TSHZ2: variants seen among roughly 807,000 people sequenced by gnomAD.
TSHZ2 encodes teashirt homolog 2.
TSHZ2 carries 21 observed loss-of-function variants against 74.4 expected under a neutral mutation model. The ratio of observed to expected loss-of-function variants is 0.28; its 90% CI spans 0.20 to 0.41. TSHZ2 has a LOEUF of 0.41. Ranked by LOEUF, TSHZ2 falls within the 10% of genes least tolerant of loss-of-function variation. TSHZ2 has a pLI of 1.00. For synonymous variants in TSHZ2, 540 were observed against 515.3 expected, an observed-to-expected ratio of 1.05 and a Z score of -0.65; for missense variants, 1,244 against 1,293.5, an observed-to-expected ratio of 0.96 and a Z score of 0.59.
At chr20:53,106,232 C>T (rs73142246) in intron 1 of TSHZ2, among the ~76,000 whole-genome samples, 10,724 of 151,956 alleles carry the variant, frequency 0.071, 451 homozygotes, top group Non-Finnish European at 0.1. Context: ...CTGAGGTCTC[C>T]CTGATCCTCC....
At chr20:53,444,769 G>A (rs1984486904) in intron 2 of TSHZ2, among the ~76,000 whole-genome samples, 1 of 152,168 alleles carries the variant, frequency 6.6e-6, no homozygotes. Flanking sequence ...TGGTCTGCTT[G>A]GACAGCTAGG....
intron 2 of TSHZ2, among the ~76,000 whole-genome samples, chr20:53,450,472 G>T (rs1430492038): frequency 6.6e-6 from 1 of 152,168 alleles, no homozygotes; most frequent in South Asian, 2.1e-4. Flanking sequence ...TATTGTTTAT[G>T]ATTTCATAAG....
At chr20:53,181,087 G>C (rs1166952099) in intron 1 of TSHZ2, among the ~76,000 whole-genome samples, 2 of 152,096 alleles carry the variant, frequency 1.3e-5, no homozygotes, top group Non-Finnish European at 2.9e-5. Context: ...GCTCTTCGCT[G>C]TCTCAGTGTT....
At chr20:53,401,928 A>G (rs549912311) in intron 2 of TSHZ2, among the ~76,000 whole-genome samples, 3 of 151,710 alleles carry the variant, frequency 2.0e-5, no homozygotes, top group South Asian at 4.2e-4. Flanking sequence ...GACTACAGGC[A>G]CCCGCCACCA....
chr20:53,367,166 T>C (rs1600833022), intron 2 of TSHZ2, among the ~76,000 whole-genome samples: 1 of 151,684 alleles, frequency 6.6e-6, no homozygotes, highest in African/African-American at 2.4e-5. Flanking sequence ...GAGGCTGAGG[T>C]GAGCGGATCA....
At chr20:53,311,472 C>T (rs1978782699) in intron 2 of TSHZ2, among the ~76,000 whole-genome samples, 1 of 152,200 alleles carries the variant, frequency 6.6e-6, no homozygotes, top group Non-Finnish European at 1.5e-5. Context: ...AACCTTATAA[C>T]ATGCTAATAG....
intron 1 of TSHZ2, among the ~76,000 whole-genome samples, chr20:53,056,217 C>T (rs1346440592): frequency 1.3e-5 from 2 of 152,094 alleles, no homozygotes; most frequent in African/African-American, 2.4e-5. Context: ...CTCCTAAAGT[C>T]CTTCTGTGCA....
At chr20:53,239,233 C>T (rs1447360393) in intron 1 of TSHZ2, among the ~76,000 whole-genome samples, 1 of 152,144 alleles carries the variant, frequency 6.6e-6, no homozygotes, top group African/African-American at 2.4e-5. Context: ...AAAATCACCC[C>T]AGATGAGTCA....
intron 1 of TSHZ2, among the ~76,000 whole-genome samples, chr20:53,131,573 C>T (rs149795149): frequency 2.6e-4 from 40 of 152,344 alleles, no homozygotes; most frequent in African/African-American, 7.2e-4. Context: ...CCCCACTCCA[C>T]GCCTCCTGCG....
intron 1 of TSHZ2, among the ~76,000 whole-genome samples, chr20:53,233,456 TG>T (rs1225209263): frequency 6.6e-6 from 1 of 152,088 alleles, no homozygotes; most frequent in Non-Finnish European, 1.5e-5. Context: ...ACGCTAAAAC[TG>T]GGAAGTTGAG....
intron 1 of TSHZ2, among the ~76,000 whole-genome samples, chr20:53,095,232 C>G (rs1163495914): frequency 6.6e-6 from 1 of 152,220 alleles, no homozygotes; most frequent in Non-Finnish European, 1.5e-5. Context: ...GAGGCAGTCT[C>G]TCTCCTCGTG....
chr20:53,316,229 A>T lies in TSHZ2; in HGVS notation c.*8+59658A>T, dbSNP rs189740160. ...ACAAAGAGGCACAAACGGAAATCTC[A>T]CTCATCACTTGGTTCATTGTTGTTG... On this transcript the variant is annotated intron_variant, in intron 2 of 2. Transcript: ENST00000371497. 1.5e-3 allele frequency among the ~76,000 whole-genome samples: 228 copies of T among 152,130 alleles called. 3 individuals are homozygous for T. Among genetic ancestry groups the T allele is most frequent in the Non-Finnish European group, 1.3e-3 (87 of 68,000 alleles).
At chr20:53,373,107 A>G (rs1352408759) in intron 2 of TSHZ2, among the ~76,000 whole-genome samples, 1 of 152,226 alleles carries the variant, frequency 6.6e-6, no homozygotes, top group Non-Finnish European at 1.5e-5. Flanking sequence ...GGAAAAGTTC[A>G]CAAGGAAAGA....
intron 1 of TSHZ2, among the ~76,000 whole-genome samples, chr20:53,088,221 G>A (rs1456193697): frequency 6.6e-6 from 1 of 152,146 alleles, no homozygotes; most frequent in Non-Finnish European, 1.5e-5. Context: ...GTAAGTTTTT[G>A]TTGGGAACTT....
At chr20:53,374,717 G>A (rs1342717009) in intron 2 of TSHZ2, among the ~76,000 whole-genome samples, 1 of 152,000 alleles carries the variant, frequency 6.6e-6, no homozygotes, top group Non-Finnish European at 1.5e-5. Context: ...CTGATTTTGG[G>A]TTTGATTTGC....
Position 53,488,851 on chromosome 20 carries a change from C to T in TSHZ2, c.*1716C>T. The T allele has an allele frequency of 7.0e-6, 2 of 284,522 alleles. No homozygotes were observed. The highest frequency in any genetic ancestry group is 1.4e-5 in the Non-Finnish European group (2 of 141,738). The allele number at this position is 284,522 out of a possible 1,614,324, so 17.6% of individuals were successfully genotyped here. ...CATTGGGATTAAAAAAAAAAAAAAACTTCTTATTTACCTCCTAGGGAAAGT... is the reference window on the plus strand; with the variant it reads ...CATTGGGATTAAAAAAAAAAAAAAATTTCTTATTTACCTCCTAGGGAAAGT... On this transcript the variant is annotated 3_prime_UTR_variant, in exon 3 of 3. Transcript: ENST00000371497.
intron 1 of TSHZ2, among the ~76,000 whole-genome samples, chr20:53,042,158 T>G (rs942058035): frequency 5.9e-5 from 9 of 152,356 alleles, no homozygotes; most frequent in African/African-American, 2.2e-4. Context: ...TAAATATAGG[T>G]ATTTATCCCT....
intron 2 of TSHZ2, among the ~76,000 whole-genome samples, chr20:53,429,357 C>A (rs572750254): frequency 2.8e-4 from 43 of 152,330 alleles, no homozygotes; most frequent in African/African-American, 9.1e-4. Flanking sequence ...TGTGTCCCCA[C>A]CCACATCTCA....
At chr20:53,263,609 T>C (rs1990647829) in intron 2 of TSHZ2, among the ~76,000 whole-genome samples, 1 of 152,212 alleles carries the variant, frequency 6.6e-6, no homozygotes. Context: ...TTGTTGTTTT[T>C]GTTCTGAACA....
Sources: allele counts gnomAD v4.1 joint callset (sites outside exome capture counted in the v4.1 genomes callset), GRCh38; gene constraint gnomAD v4.1.1; transcripts MANE v1.5; gene names NCBI Gene and HGNC (gene_info 2026-07-23, HGNC 2026-07-21).